The following TRAPPC3L variants were observed in gnomAD, a reference collection of about 807,000 sequenced individuals.
The protein encoded by TRAPPC3L is trafficking protein particle complex subunit 3L.
Under a neutral mutation model 23.7 loss-of-function variants are expected in TRAPPC3L, and 23 were observed. The observed-to-expected ratio is 0.97, with a 90% CI of 0.70 to 1.37. TRAPPC3L has a LOEUF of 1.37. Ranked by LOEUF, TRAPPC3L falls within the 40% of genes most tolerant of loss-of-function variation. The pLI is 0.00. For synonymous variants in TRAPPC3L, 81 were observed against 77.9 expected (o/e 1.04, Z -0.21); for missense variants, 212 against 216.8 (o/e 0.98, Z 0.14).
At chr6:116,540,224 C>T in intron 3 of TRAPPC3L, 139 bp downstream of exon 3, 1 of 781,498 alleles carries the variant, frequency 1.3e-6, no homozygotes, top group Non-Finnish European at 2.0e-6. Flanking sequence ...AAATAAAATG[C>T]TTTTCAATCA....
chr6:116,521,678 C>T (rs1189141466), intron 3 of TRAPPC3L: 1 of 152,218 alleles, frequency 6.6e-6, no homozygotes, highest in Non-Finnish European at 1.5e-5. Flanking sequence ...AACACCCCTA[C>T]ATACATACCC....
chr6:116,532,298 G>A (rs1473887360), intron 3 of TRAPPC3L, among the ~76,000 whole-genome samples: 1 of 152,006 alleles, frequency 6.6e-6, no homozygotes, highest in Non-Finnish European at 1.5e-5. Flanking sequence ...ACGGGGTCTC[G>A]CTATATTGCC....
intron 3 of TRAPPC3L, chr6:116,515,939 G>A (rs368164220): frequency 1.9e-6 from 3 of 1,612,576 alleles, no homozygotes; most frequent in African/African-American, 1.3e-5. Flanking sequence ...ACTTAGCCCT[G>A]AGGATGATGA....
At chr6:116,511,695 A>G (rs1361182965) in intron 3 of TRAPPC3L, 1 of 1,612,644 alleles carries the variant, frequency 6.2e-7, no homozygotes, top group Non-Finnish European at 8.5e-7. Flanking sequence ...TGCATCTCCA[A>G]CATGGATGCT....
intron 3 of TRAPPC3L, among the ~76,000 whole-genome samples, chr6:116,528,357 A>G (rs770697960): frequency 6.6e-6 from 1 of 152,266 alleles, no homozygotes; most frequent in Non-Finnish European, 1.5e-5. Context: ...AAAATTTCCT[A>G]CATTTTTCCT....
At chr6:116,515,061 A>G (rs73553441) in intron 3 of TRAPPC3L, among the ~76,000 whole-genome samples, 9,834 of 152,262 alleles carry the variant, frequency 0.065, 360 homozygotes, top group Non-Finnish European at 0.079. Context: ...GGTTTTAATG[A>G]TCCTAATTTT....
At chr6:116,516,666 T>A (rs1466486000) in intron 3 of TRAPPC3L, 6 of 18,006 alleles carry the variant, frequency 3.3e-4, no homozygotes, top group Non-Finnish European at 7.0e-4. Context: ...AACAAATATA[T>A]ATATATATAT....
intron 3 of TRAPPC3L, among the ~76,000 whole-genome samples, chr6:116,511,183 GATAT>G (rs59420398): frequency 1.4e-5 from 2 of 141,516 alleles, no homozygotes; most frequent in African/African-American, 5.2e-5. Flanking sequence ...AAAAGCTATT[GATAT>G]ATATATATAT....
intron 2 of TRAPPC3L, among the ~76,000 whole-genome samples, chr6:116,542,741 A>G (rs1056956679): frequency 6.6e-6 from 1 of 152,122 alleles, no homozygotes; most frequent in Non-Finnish European, 1.5e-5. Context: ...TCTACCTAAT[A>G]TGTTTTTTAA....
At chr6:116,543,886 C>T (rs1773610911) in intron 1 of TRAPPC3L, 1 of 1,524,170 alleles carries the variant, frequency 6.6e-7, no homozygotes, top group African/African-American at 1.4e-5. Flanking sequence ...AGTTTCTTTT[C>T]TTTTTACTTA....
chr6:116,531,359 A>G (rs1772713208), intron 3 of TRAPPC3L, among the ~76,000 whole-genome samples: 2 of 152,124 alleles, frequency 1.3e-5, no homozygotes, highest in South Asian at 4.1e-4. Context: ...GTGAAACACC[A>G]GAAGCAGTGA....
At chr6:116,516,322 G>T in intron 3 of TRAPPC3L, 1 of 192,820 alleles carries the variant, frequency 5.2e-6, no homozygotes, top group Non-Finnish European at 1.1e-5. Flanking sequence ...GCAGAATTTA[G>T]GGGCAGAAGC....
intron 3 of TRAPPC3L, among the ~76,000 whole-genome samples, chr6:116,527,632 A>T (rs1250108250): frequency 6.6e-6 from 1 of 152,232 alleles, no homozygotes; most frequent in African/African-American, 2.4e-5. Flanking sequence ...TTTAAAAAAA[A>T]ATCCTAAGAG....
At chr6:116,523,353 G>A (rs1693610242) in intron 3 of TRAPPC3L, 2 of 152,094 alleles carry the variant, frequency 1.3e-5, no homozygotes, top group African/African-American at 4.8e-5. Context: ...ATTTGTAGGT[G>A]TTTTCTTTGT....
chr6:116,526,112 T>G (rs1772435375), intron 3 of TRAPPC3L, among the ~76,000 whole-genome samples: 1 of 152,234 alleles, frequency 6.6e-6, no homozygotes, highest in Non-Finnish European at 1.5e-5. Context: ...CCACCTTATT[T>G]TGAGAAATGT....
chr6:116,513,240 C>G (rs1767354839), intron 3 of TRAPPC3L, among the ~76,000 whole-genome samples: 1 of 152,190 alleles, frequency 6.6e-6, no homozygotes, highest in African/African-American at 2.4e-5. Flanking sequence ...TTTTTAAAAT[C>G]ATACACTCCA....
intron 3 of TRAPPC3L, among the ~76,000 whole-genome samples, chr6:116,536,271 AT>A (rs1773084612): frequency 6.6e-6 from 1 of 152,268 alleles, no homozygotes; most frequent in East Asian, 1.9e-4. Context: ...TCAACTAAAG[AT>A]TTTTGCCTTC....
intron 3 of TRAPPC3L, chr6:116,529,018 T>C (rs1300324027): frequency 1.3e-5 from 2 of 152,268 alleles, no homozygotes; most frequent in Non-Finnish European, 2.9e-5. Flanking sequence ...TACGGTGTTT[T>C]ACCCTTGGGT....
At chr6:116,500,381 C>A (rs1251858323) in intron 4 of TRAPPC3L, 100 bp downstream of exon 4, 3 of 1,117,250 alleles carry the variant, frequency 2.7e-6, no homozygotes, top group Non-Finnish European at 2.5e-6. Flanking sequence ...ATTAGATAAC[C>A]AATATACCCA....
Sources: allele counts gnomAD v4.1 joint callset (sites outside exome capture counted in the v4.1 genomes callset), GRCh38; gene constraint gnomAD v4.1.1; transcripts MANE v1.5; gene names NCBI Gene and HGNC (gene_info 2026-07-23, HGNC 2026-07-21).